The following GPM6A variants were observed in gnomAD, a reference collection of about 807,000 sequenced individuals.
The protein encoded by GPM6A is neuronal membrane glycoprotein M6-a.
GPM6A carries 7 observed loss-of-function variants against 32.1 expected under a neutral mutation model. That is an observed-to-expected ratio of 0.22 (90% CI 0.12 to 0.41). GPM6A has a LOEUF of 0.41. GPM6A is among the 10% of genes least tolerant of loss of function. GPM6A has a pLI of 1.00. For synonymous variants in GPM6A, 130 were observed against 123.4 expected (o/e 1.05, Z -0.35); for missense variants, 235 against 347.2 (o/e 0.68, Z 2.57).
intron 1 of GPM6A, among the ~76,000 whole-genome samples, chr4:175,847,445 C>T (rs1174164360): frequency 6.6e-6 from 1 of 152,160 alleles, no homozygotes; most frequent in Non-Finnish European, 1.5e-5. Flanking sequence ...TTCCATTCTG[C>T]CTAGGACGTG....
chr4:175,925,897 G>C (rs1738824718), intron 1 of GPM6A, among the ~76,000 whole-genome samples: 1 of 147,926 alleles, frequency 6.8e-6, no homozygotes, highest in East Asian at 2.0e-4. Context: ...TGTCATCCAG[G>C]CTGAAGTGCA....
intron 1 of GPM6A, among the ~76,000 whole-genome samples, chr4:175,755,701 G>C (rs908894502): frequency 6.6e-6 from 1 of 152,072 alleles, no homozygotes; most frequent in Non-Finnish European, 1.5e-5. Flanking sequence ...ACAGACAATT[G>C]CCTGGGAATA....
intron 3 of GPM6A, among the ~76,000 whole-genome samples, chr4:175,668,321 C>A (rs190696731): frequency 6.6e-6 from 1 of 151,814 alleles, no homozygotes; most frequent in Non-Finnish European, 1.5e-5. Context: ...CTCAATGCCA[C>A]GGTTTTTCAA....
At chr4:175,983,749 T>A (rs904559027) in intron 1 of GPM6A, among the ~76,000 whole-genome samples, 1 of 152,234 alleles carries the variant, frequency 6.6e-6, no homozygotes, top group Non-Finnish European at 1.5e-5. Flanking sequence ...TGTTATTTTA[T>A]TTTTGTCTGC....
chr4:175,816,972 G>T (rs2111342314), upstream of GPM6A, among the ~76,000 whole-genome samples: 1 of 152,096 alleles, frequency 6.6e-6, no homozygotes, highest in South Asian at 2.1e-4. Context: ...CCATTCTCCT[G>T]CCTCAGCCTC....
intron 1 of GPM6A, among the ~76,000 whole-genome samples, chr4:175,848,336 A>G (rs1466027124): frequency 6.6e-6 from 1 of 152,332 alleles, no homozygotes; most frequent in Non-Finnish European, 1.5e-5. Context: ...CTGAAAGTCA[A>G]CGAAATAAAA....
chr4:175,756,687 A>G (rs1732540168), intron 1 of GPM6A, among the ~76,000 whole-genome samples: 1 of 152,148 alleles, frequency 6.6e-6, no homozygotes, highest in South Asian at 2.1e-4. Context: ...TCTCAGAACT[A>G]GGTATATGAA....
intron 1 of GPM6A, among the ~76,000 whole-genome samples, chr4:175,762,737 T>G (rs1193291246): frequency 6.6e-6 from 1 of 152,194 alleles, no homozygotes; most frequent in East Asian, 1.9e-4. Context: ...TGAAAATGCA[T>G]GTCTCAAGGG....
At chr4:175,698,025 C>T (rs1038909605) in intron 2 of GPM6A, among the ~76,000 whole-genome samples, 1 of 152,016 alleles carries the variant, frequency 6.6e-6, no homozygotes, top group Admixed American at 6.6e-5. Flanking sequence ...TCCCTCTGGA[C>T]TTGGAAATAT....
chr4:175,922,841 T>C (rs1221999045), intron 1 of GPM6A, among the ~76,000 whole-genome samples: 1 of 152,182 alleles, frequency 6.6e-6, no homozygotes, highest in Non-Finnish European at 1.5e-5. Context: ...TAATTGAATA[T>C]GAAAAAGCTT....
intron 1 of GPM6A, among the ~76,000 whole-genome samples, chr4:175,975,613 G>A (rs1740634524): frequency 6.6e-6 from 1 of 152,134 alleles, no homozygotes; most frequent in South Asian, 2.1e-4. Context: ...TTTCTCACCA[G>A]TTCCTAACTA....
At chr4:175,801,063 A>C (rs184452817) in intron 1 of GPM6A, 206 of 155,338 alleles carry the variant, frequency 1.3e-3, no homozygotes, top group Non-Finnish European at 2.5e-3. Flanking sequence ...AAACCTAAGA[A>C]ATGAGATCAA....
intron 2 of GPM6A, among the ~76,000 whole-genome samples, chr4:175,699,400 T>C (rs1744747733): frequency 6.6e-6 from 1 of 152,204 alleles, no homozygotes; most frequent in East Asian, 1.9e-4. Flanking sequence ...ACTGATAAAC[T>C]GTCTACTAAT....
At chr4:175,812,309 T>TTTG, upstream of GPM6A, 2 of 1,111,160 alleles carry the variant, frequency 1.8e-6, no homozygotes, top group Non-Finnish European at 2.3e-6. Flanking sequence ...GGGTTTTTTT[T>TTTG]TTTTTTTTTT....
chr4:175,792,494 G>A (rs1734052644), intron 1 of GPM6A, among the ~76,000 whole-genome samples: 1 of 151,956 alleles, frequency 6.6e-6, no homozygotes, highest in Admixed American at 6.6e-5. Context: ...ATTTTTAATG[G>A]ACTTGGGAAA....
rs1458285076 is a variant in GPM6A at position 175,673,554 on chromosome 4, A to G, written c.387+126T>C. ...AAATAATGTTATCAAGATTTAAGAT[A>G]GCATCACAGAAGGAAACGTTACTGT... On this transcript the variant is annotated intron_variant, in intron 3 of 6. Coordinates refer to ENST00000393658, the MANE Select transcript of GPM6A (RefSeq NM_201591.3). 3 of 570,346 alleles carry G rather than the reference A, an allele frequency of 5.3e-6. No individual in the cohort carries two copies. The African/African-American group carries it at 5.6e-5, about 11-fold the overall frequency. The allele number at this position is 570,346 out of a possible 1,614,324, so 35.3% of individuals were successfully genotyped here. A position where few individuals can be genotyped will look rare whatever the true frequency, so the allele number is the denominator to read the frequency against.
At chr4:175,984,512 T>C (rs75986809) in intron 1 of GPM6A, among the ~76,000 whole-genome samples, 2,602 of 152,258 alleles carry the variant, frequency 0.017, 32 homozygotes, top group Non-Finnish European at 0.026. Flanking sequence ...TTTGTCTTTT[T>C]TCTTAGTGAT....
chr4:175,852,471 G>A (rs1560965282), intron 1 of GPM6A, among the ~76,000 whole-genome samples: 1 of 152,120 alleles, frequency 6.6e-6, no homozygotes, highest in Non-Finnish European at 1.5e-5. Context: ...TCATTCTACT[G>A]AAAATTCTAA....
At chr4:175,636,572 G>C (rs546585798) in intron 6 of GPM6A, among the ~76,000 whole-genome samples, 11 of 150,238 alleles carry the variant, frequency 7.3e-5, no homozygotes, top group African/African-American at 2.7e-4. Flanking sequence ...AAGGCGGGTT[G>C]ATCACTTGAG....
Sources: allele counts gnomAD v4.1 joint callset (sites outside exome capture counted in the v4.1 genomes callset), GRCh38; gene constraint gnomAD v4.1.1; transcripts MANE v1.5; gene names NCBI Gene and HGNC (gene_info 2026-07-23, HGNC 2026-07-21).